Variants in PIGL observed in about 807,000 individuals in gnomAD.
PIGL encodes phosphatidylinositol glycan anchor biosynthesis class L, also known as N-acetylglucosaminyl-phosphatidylinositol de-N-acetylase.
In PIGL, 22 loss-of-function variants were observed where a neutral mutation model predicts 31.1. That is an observed-to-expected ratio of 0.71 (90% CI 0.51 to 1.01). PIGL has a LOEUF of 1.01. Among genes scored for constraint, PIGL ranks in the 50% least tolerant of loss-of-function variants. The pLI is 0.00. For missense variants in PIGL, 302 were observed against 315.9 expected (o/e 0.96, Z 0.33); for synonymous variants, 131 against 117.4 (o/e 1.12, Z -0.75).
chr17:16,266,819 G>C (rs184207884), intron 2 of PIGL, among the ~76,000 whole-genome samples: 2 of 147,274 alleles, frequency 1.4e-5, no homozygotes, highest in African/African-American at 4.9e-5. Flanking sequence ...GGATGGTCTC[G>C]ATCTCCTGAC....
intron 1 of PIGL, among the ~76,000 whole-genome samples, chr17:16,223,234 T>C (rs963650487): frequency 1.3e-5 from 2 of 152,174 alleles, no homozygotes; most frequent in African/African-American, 4.8e-5. Context: ...TAGTAGGATG[T>C]CATTGAATAT....
intron 2 of PIGL, among the ~76,000 whole-genome samples, chr17:16,244,486 C>G (rs987820277): frequency 9.2e-5 from 14 of 152,188 alleles, no homozygotes; most frequent in Admixed American, 6.5e-5. Context: ...AATGTCCTGC[C>G]TGTGCAGTGT....
At chr17:16,238,909 CAAAAAA>C in intron 2 of PIGL, among the ~76,000 whole-genome samples, 1 of 75,410 alleles carries the variant, frequency 1.3e-5, no homozygotes, top group Non-Finnish European at 2.4e-5. Flanking sequence ...GACCCCGTCT[CAAAAAA>C]AAAAAAAAAA....
chr17:16,218,745 C>A (rs1352118840), intron 1 of PIGL, among the ~76,000 whole-genome samples: 1 of 141,920 alleles, frequency 7.0e-6, no homozygotes, highest in Non-Finnish European at 1.5e-5. Context: ...GTGGCGTGAT[C>A]TCGGCTCACT....
At chr17:16,283,359 T>C (rs1394742812) in intron 2 of PIGL, among the ~76,000 whole-genome samples, 1 of 152,178 alleles carries the variant, frequency 6.6e-6, no homozygotes, top group African/African-American at 2.4e-5. Flanking sequence ...TCCCAGCTAC[T>C]CAAGAGGCTG....
rs778072602 is a variant in PIGL at position 16,311,467 on chromosome 17, CT to C, written c.427-2066del. Among the ~76,000 whole-genome samples the C allele has an allele frequency of 4.5e-3, 86 of 18,976 alleles. 21 individuals are homozygous for C. The highest frequency in any genetic ancestry group is 5.2e-3 in the Non-Finnish European group (62 of 11,944). 12.4% of individuals were successfully genotyped at this position (18,976 alleles called of 152,430 possible). On this transcript the variant is annotated intron_variant, in intron 3 of 6. Coordinates refer to ENST00000225609, the MANE Select transcript of PIGL (RefSeq NM_004278.4). ...AGCCCAAAGCACAGAGGTTTTCTTT[CT>C]TTTTTTTTTTTTTGATCATTCTTGG...
intron 2 of PIGL, among the ~76,000 whole-genome samples, chr17:16,298,050 G>A (rs989880968): frequency 2.0e-5 from 3 of 152,074 alleles, no homozygotes; most frequent in Admixed American, 2.0e-4. Context: ...GCCCCTATGA[G>A]GATCTAATGC....
chr17:16,217,627 T>TACACATCA, intron 1 of PIGL, 166 bp downstream of exon 1: 5 of 523,076 alleles, frequency 9.6e-6, no homozygotes, highest in Admixed American at 3.6e-5. Context: ...AGCGGCCGGC[T>TACACATCA]TACCTGGTGG....
intron 6 of PIGL, among the ~76,000 whole-genome samples, chr17:16,321,522 G>A (rs1047638795): frequency 2.0e-5 from 3 of 151,872 alleles, no homozygotes; most frequent in Non-Finnish European, 4.4e-5. Context: ...TCACAGGCGT[G>A]AGCCACCATG....
intron 1 of PIGL, among the ~76,000 whole-genome samples, chr17:16,223,395 G>A (rs1352663177): frequency 1.3e-5 from 2 of 151,506 alleles, no homozygotes; most frequent in South Asian, 2.1e-4. Flanking sequence ...TGGCAAACAC[G>A]GCGAAACCCC....
At chr17:16,227,318 C>A (rs1463183645) in intron 1 of PIGL, among the ~76,000 whole-genome samples, 1 of 151,846 alleles carries the variant, frequency 6.6e-6, no homozygotes, top group Middle Eastern at 3.2e-3. Context: ...ACCATGTTGG[C>A]CAGGCTAGTC....
chr17:16,273,201 C>A (rs2092879608), intron 2 of PIGL, among the ~76,000 whole-genome samples: 1 of 152,104 alleles, frequency 6.6e-6, no homozygotes, highest in Admixed American at 6.6e-5. Flanking sequence ...ACAAAGGTAC[C>A]ATGGACTCAG....
intron 5 of PIGL, 146 bp from the exon 6 acceptor site, chr17:16,317,629 A>G: frequency 2.0e-6 from 3 of 1,477,578 alleles, no homozygotes; most frequent in Non-Finnish European, 2.7e-6. Flanking sequence ...GGCACAGGGC[A>G]GCTTTAGTGC....
chr17:16,280,787 C>A (rs1318952295), intron 2 of PIGL, among the ~76,000 whole-genome samples: 1 of 152,126 alleles, frequency 6.6e-6, no homozygotes, highest in Non-Finnish European at 1.5e-5. Context: ...CTCACTGCAA[C>A]CTCTATCTCC....
intron 3 of PIGL, chr17:16,312,394 A>G (rs1568841843): frequency 1.9e-5 from 3 of 160,002 alleles, no homozygotes; most frequent in Admixed American, 6.7e-5. Context: ...CTCACTTCCT[A>G]GACGGGATGG....
chr17:16,239,438 G>A (rs781165781), intron 2 of PIGL, among the ~76,000 whole-genome samples: 9 of 151,406 alleles, frequency 5.9e-5, no homozygotes, highest in Non-Finnish European at 7.4e-5. Flanking sequence ...AGCTGAGATC[G>A]CACCACTGCA....
At chr17:16,254,414 A>G (rs1255673938) in intron 2 of PIGL, among the ~76,000 whole-genome samples, 9 of 150,716 alleles carry the variant, frequency 6.0e-5, no homozygotes, top group Non-Finnish European at 7.4e-5. Flanking sequence ...GATTACAGGC[A>G]TGCGCCACCA....
intron 1 of PIGL, chr17:16,217,806 CTA>C (rs2092599406): frequency 4.0e-6 from 1 of 248,894 alleles, no homozygotes; most frequent in African/African-American, 2.2e-5. Flanking sequence ...ATTGACCTTA[CTA>C]TATAGCACAC....
At chr17:16,286,336 A>G (rs1324313439) in intron 2 of PIGL, among the ~76,000 whole-genome samples, 1 of 152,146 alleles carries the variant, frequency 6.6e-6, no homozygotes, top group Non-Finnish European at 1.5e-5. Context: ...TCTGGGGGAG[A>G]AAGACCTGGG....
Sources: gnomAD v4.1 joint callset for allele counts (sites outside exome capture counted in the v4.1 genomes callset) on GRCh38, gnomAD v4.1.1 for gene constraint, MANE v1.5 for transcripts, NCBI Gene and HGNC (gene_info 2026-07-23, HGNC 2026-07-21) for gene names.